The following CRADD variants were observed in gnomAD, a reference collection of about 807,000 sequenced individuals.
The protein encoded by CRADD is death domain-containing protein CRADD.
Under a neutral mutation model 15.5 loss-of-function variants are expected in CRADD, and 9 were observed. The ratio of observed to expected loss-of-function variants is 0.58; its 90% confidence interval spans 0.35 to 1.01. The LOEUF is 1.01. Among genes scored for constraint, CRADD ranks in the 50% least tolerant of loss-of-function variants. The pLI is 0.02. For missense variants in CRADD, 227 were observed against 250.3 expected (o/e 0.91, Z 0.63); for synonymous variants, 118 against 107.6 (o/e 1.10, Z -0.60).
At chr12:93,862,973 A>C (rs1958329637) in intron 2 of CRADD, among the ~76,000 whole-genome samples, 2 of 152,226 alleles carry the variant, frequency 1.3e-5, no homozygotes. Context: ...CTCCTCCTCC[A>C]ACAATTCATG....
intron 2 of CRADD, among the ~76,000 whole-genome samples, chr12:93,734,195 C>G (rs1956523166): frequency 6.6e-6 from 1 of 152,140 alleles, no homozygotes; most frequent in East Asian, 1.9e-4. Context: ...ATCCATCCGT[C>G]CATCCATCTT....
chr12:93,699,906 C>T (rs1219865074), intron 2 of CRADD, among the ~76,000 whole-genome samples: 4 of 152,116 alleles, frequency 2.6e-5, no homozygotes, highest in African/African-American at 2.4e-5. Context: ...AACATGCATA[C>T]GAATTCTGAA....
intron 2 of CRADD, among the ~76,000 whole-genome samples, chr12:93,834,555 C>A (rs1593029718): frequency 6.6e-6 from 1 of 152,000 alleles, no homozygotes; most frequent in East Asian, 1.9e-4. Flanking sequence ...GTGGCACAAT[C>A]TTAGCTCACC....
chr12:93,842,995 C>T (rs1958067455), intron 2 of CRADD, among the ~76,000 whole-genome samples: 1 of 152,156 alleles, frequency 6.6e-6, no homozygotes, highest in Admixed American at 6.5e-5. Flanking sequence ...ACATTTTATA[C>T]AGCCCTGTAT....
chr12:93,707,219 A>T (rs755329490), intron 2 of CRADD, among the ~76,000 whole-genome samples: 5 of 152,240 alleles, frequency 3.3e-5, no homozygotes, highest in Non-Finnish European at 7.3e-5. Context: ...TGAGTTCTGG[A>T]TCAGTAGTGA....
intron 2 of CRADD, among the ~76,000 whole-genome samples, chr12:93,784,796 T>C (rs762610147): frequency 6.6e-6 from 1 of 152,118 alleles, no homozygotes; most frequent in African/African-American, 2.4e-5. Context: ...TAAGAATAGA[T>C]ATTCATTCAA....
intron 2 of CRADD, among the ~76,000 whole-genome samples, chr12:93,891,632 G>T (rs1958576732): frequency 6.6e-6 from 1 of 152,200 alleles, no homozygotes; most frequent in Non-Finnish European, 1.5e-5. Context: ...CCAGCTGTTT[G>T]CAGACCACAC....
At position 93,825,126 on chromosome 12, in the gene CRADD, G is replaced by A. The variant is rs147166505; in HGVS notation, c.299-24844G>A. On this transcript the variant is annotated intron_variant, in intron 2 of 2. Coordinates refer to ENST00000332896, the MANE Select transcript of CRADD (RefSeq NM_003805.5). ...TTCTCTGTAGTCATTTTCTTCCCGC[G>A]TTGGTTCTAGGCTCAATCATTTAGA... Among the ~76,000 whole-genome samples, 4 of 152,262 alleles carry A rather than the reference G, an allele frequency of 2.6e-5. No homozygotes were observed. In the East Asian group the frequency reaches 7.7e-4, roughly 29 times the overall value.
At chr12:93,727,404 T>G (rs1385639219) in intron 2 of CRADD, among the ~76,000 whole-genome samples, 1 of 152,214 alleles carries the variant, frequency 6.6e-6, no homozygotes, top group Non-Finnish European at 1.5e-5. Flanking sequence ...TGAGCTTCAT[T>G]AGGTCTGCTT....
intron 2 of CRADD, chr12:93,826,699 G>C (rs1957827918): frequency 6.6e-6 from 1 of 152,206 alleles, no homozygotes; most frequent in Non-Finnish European, 1.5e-5. Flanking sequence ...CTTTTTCTCA[G>C]CTCCTTATGA....
At chr12:93,801,294 C>A (rs1036117714) in intron 2 of CRADD, among the ~76,000 whole-genome samples, 1 of 152,220 alleles carries the variant, frequency 6.6e-6, no homozygotes, top group Non-Finnish European at 1.5e-5. Flanking sequence ...TTTCCTAATT[C>A]CTACATTCTT....
intron 2 of CRADD, among the ~76,000 whole-genome samples, chr12:93,740,298 C>CT (rs1249738553): frequency 6.6e-6 from 1 of 152,068 alleles, no homozygotes; most frequent in East Asian, 1.9e-4. Context: ...ATTAGAACAA[C>CT]TTTTTTTCTC....
At chr12:93,712,700 A>G (rs1956095352) in intron 2 of CRADD, among the ~76,000 whole-genome samples, 1 of 152,184 alleles carries the variant, frequency 6.6e-6, no homozygotes, top group African/African-American at 2.4e-5. Flanking sequence ...TTATGAAGAC[A>G]GGTAAATGAC....
At chr12:93,861,087 G>A (rs1958316108) in intron 2 of CRADD, among the ~76,000 whole-genome samples, 1 of 152,156 alleles carries the variant, frequency 6.6e-6, no homozygotes, top group Non-Finnish European at 1.5e-5. Flanking sequence ...AAAGAACGGC[G>A]AGGAGTTCAG....
At chr12:93,684,054 G>A (rs1351596192) in intron 2 of CRADD, among the ~76,000 whole-genome samples, 1 of 152,178 alleles carries the variant, frequency 6.6e-6, no homozygotes, top group Non-Finnish European at 1.5e-5. Context: ...AGGTTTCTGT[G>A]TATACCCAGC....
At chr12:93,830,743 A>G (rs1277689407) in intron 2 of CRADD, among the ~76,000 whole-genome samples, 1 of 152,216 alleles carries the variant, frequency 6.6e-6, no homozygotes, top group African/African-American at 2.4e-5. Flanking sequence ...CACAGTAATC[A>G]TGAGACTAAG....
intron 2 of CRADD, chr12:93,826,767 C>G (rs1477569336): frequency 6.6e-6 from 1 of 152,230 alleles, no homozygotes; most frequent in Non-Finnish European, 1.5e-5. Context: ...CTTCACACAG[C>G]AAACATCGCT....
intron 2 of CRADD, among the ~76,000 whole-genome samples, chr12:93,694,409 AC>A (rs1955649943): frequency 6.6e-6 from 1 of 152,160 alleles, no homozygotes; most frequent in Non-Finnish European, 1.5e-5. Flanking sequence ...AAGATCAGGA[AC>A]AAGAGAAGGA....
chr12:93,866,827 G>A (rs1347351704), intron 2 of CRADD, among the ~76,000 whole-genome samples: 3 of 152,192 alleles, frequency 2.0e-5, no homozygotes, highest in Non-Finnish European at 4.4e-5. Context: ...GGAACCTAGT[G>A]ATGGAAGAGG....
Sources: gnomAD v4.1 joint callset for allele counts (sites outside exome capture counted in the v4.1 genomes callset) on GRCh38, gnomAD v4.1.1 for gene constraint, MANE v1.5 for transcripts, NCBI Gene and HGNC (gene_info 2026-07-23, HGNC 2026-07-21) for gene names.